Variants in CREBRF observed in about 807,000 individuals in gnomAD.
CREBRF encodes the protein CREB3 regulatory factor, also known as UPF0474 protein C5orf41.
In CREBRF, 5 loss-of-function variants were observed where a neutral mutation model predicts 66.1. The ratio of observed to expected loss-of-function variants is 0.08; its 90% confidence interval spans 0.04 to 0.16. The LOEUF is 0.16. CREBRF is among the 10% of genes least tolerant of loss of function. CREBRF has a pLI of 1.00. For synonymous variants in CREBRF, 229 were observed against 264.4 expected (o/e 0.87, Z 1.30); for missense variants, 531 against 744.9 (o/e 0.71, Z 3.34).
At chr5:173,115,159 T>A (rs899661473) in intron 7 of CREBRF, among the ~76,000 whole-genome samples, 19 of 150,846 alleles carry the variant, frequency 1.3e-4, no homozygotes, top group African/African-American at 2.0e-4. Context: ...CGGGCTGGAG[T>A]GCAATGGCGC....
At chr5:173,067,118 C>T (rs894721131) in intron 1 of CREBRF, among the ~76,000 whole-genome samples, 2 of 152,102 alleles carry the variant, frequency 1.3e-5, no homozygotes, top group Admixed American at 6.6e-5. Context: ...CAGCCTGAGC[C>T]ACCGTGCTCG....
At chr5:173,128,613 A>G (rs1238127645) in intron 8 of CREBRF, among the ~76,000 whole-genome samples, 1 of 152,046 alleles carries the variant, frequency 6.6e-6, no homozygotes, top group African/African-American at 2.4e-5. Context: ...ATTATGAACT[A>G]CAGTTTTTAT....
chr5:173,095,106 T>C (rs1758444700), intron 4 of CREBRF, among the ~76,000 whole-genome samples: 2 of 151,982 alleles, frequency 1.3e-5, no homozygotes, highest in African/African-American at 2.4e-5. Flanking sequence ...AATGTGGGAA[T>C]TTATTTCTGG....
chr5:173,132,863 A>G (rs1003715414), intron 8 of CREBRF, among the ~76,000 whole-genome samples: 1 of 149,898 alleles, frequency 6.7e-6, no homozygotes, highest in African/African-American at 2.5e-5. Context: ...GTGATCCGCC[A>G]ACCTCAGGTG....
rs201259498 is a variant in CREBRF, at chr5:173,110,688, G to A, written c.1584G>A (p.Lys528=). ...TAACAGCCCGACCAAGGTCAAGGAA[G>A]GAAAAAAATAAGCTGGCTTCCAGGT... ...LPLTARPRSR[K]EKNKLASRAC... is the part of the protein sequence containing the mutation. Residue 528 remains lysine, a synonymous_variant, in exon 6 of 9, where the codon AAG becomes AAA. Transcript: ENST00000296953. 4 of 1,602,114 alleles carry A rather than the reference G, an allele frequency of 2.5e-6. No individual in the cohort carries two copies. The highest frequency in any genetic ancestry group is 1.4e-5 in the African/African-American group (1 of 73,992).
intron 7 of CREBRF, among the ~76,000 whole-genome samples, chr5:173,113,074 C>G (rs1402049622): frequency 6.6e-6 from 1 of 152,148 alleles, no homozygotes; most frequent in Non-Finnish European, 1.5e-5. Flanking sequence ...CTCACTGCAG[C>G]CTCCACCTTC....
At chr5:173,101,503 T>C (rs1299179101) in intron 4 of CREBRF, among the ~76,000 whole-genome samples, 4 of 131,980 alleles carry the variant, frequency 3.0e-5, no homozygotes, top group Non-Finnish European at 7.3e-5. Context: ...TTCAAAAGTC[T>C]GTTTGTCTTT....
chr5:173,069,998 G>A (rs1156454841), intron 1 of CREBRF, among the ~76,000 whole-genome samples: 7 of 151,710 alleles, frequency 4.6e-5, no homozygotes, highest in Non-Finnish European at 1.0e-4. Flanking sequence ...GAGTTCAAGC[G>A]ATTCTCATGC....
chr5:173,131,858 A>G (rs1027079494), intron 8 of CREBRF, among the ~76,000 whole-genome samples: 5 of 151,822 alleles, frequency 3.3e-5, no homozygotes, highest in African/African-American at 1.2e-4. Flanking sequence ...TCAGCCTCCT[A>G]AGTAGCTGGC....
rs2113819137 is a variant in CREBRF at position 173,135,574 on chromosome 5, G to A, written c.*1829G>A. 6.6e-6 allele frequency: 1 copy of A among 152,356 alleles called. No homozygotes were observed. Among genetic ancestry groups the A allele is most frequent in the Middle Eastern group, 3.4e-3 (1 of 294 alleles). The allele number at this position is 152,356 out of a possible 1,614,324, so 9.4% of individuals were successfully genotyped here. A position where few individuals can be genotyped will look rare whatever the true frequency, so the allele number is the denominator to read the frequency against. On this transcript the variant is annotated 3_prime_UTR_variant, in exon 9 of 9. Coordinates refer to ENST00000296953, the MANE Select transcript of CREBRF (RefSeq NM_153607.3). ...AAAAATACCAAAAATTTCAGGCATA[G>A]CTGCTGGAAAAATTATCTATTTCTC...
At chr5:173,092,135 C>T (rs1758359649) in intron 4 of CREBRF, 1 of 901,596 alleles carries the variant, frequency 1.1e-6, no homozygotes, top group African/African-American at 1.8e-5. Flanking sequence ...ATGTGTCTCT[C>T]TATTATAGTT....
chr5:173,130,907 A>G (rs531651652), intron 8 of CREBRF, among the ~76,000 whole-genome samples: 1 of 151,926 alleles, frequency 6.6e-6, no homozygotes, highest in Non-Finnish European at 1.5e-5. Flanking sequence ...GGGTTTCACC[A>G]TGTTGGCCAG....
chr5:173,128,560 A>C (rs1302561426), intron 8 of CREBRF, among the ~76,000 whole-genome samples: 1 of 151,682 alleles, frequency 6.6e-6, no homozygotes, highest in Non-Finnish European at 1.5e-5. Context: ...TTTGCTTCTG[A>C]ATGTCAGGAT....
At position 173,100,096 on chromosome 5, in the gene CREBRF, G is replaced by A. The variant is rs866266891; in HGVS notation, c.1223-8528G>A. 1.0e-3 allele frequency among the ~76,000 whole-genome samples: 135 copies of A among 128,842 alleles called. 2 individuals are homozygous for A. In the Middle Eastern group the frequency reaches 0.015, roughly 14 times the overall value. The allele number at this position is 128,842 out of a possible 152,430, so 84.5% of individuals were successfully genotyped here. ...TAATCTTTTGTGTGTGTGTGTGTGT[G>A]TGTGTGTGTGTGTGTGTGTGTGTAT... On this transcript the variant is annotated intron_variant, in intron 4 of 8. Coordinates refer to ENST00000296953, the MANE Select transcript of CREBRF (RefSeq NM_153607.3).
At chr5:173,085,987 ATC>A in intron 2 of CREBRF, 1 of 1,508,664 alleles carries the variant, frequency 6.6e-7, no homozygotes, top group Admixed American at 1.7e-5. Context: ...CTAGAAATAC[ATC>A]TGTTTGTGGA....
Position 173,108,679 on chromosome 5 carries a change from G to C in CREBRF, c.1278G>C (p.Arg426=). Residue 426 remains arginine, a synonymous_variant, in exon 5 of 9, where the codon CGG becomes CGC. Transcript: ENST00000296953. ...AGGAGGTGACTTCAATATCTTCACGGAAGAGAGGTAAAAGAAGATACTTCT... is the reference window on the plus strand; with the variant it reads ...AGGAGGTGACTTCAATATCTTCACGCAAGAGAGGTAAAAGAAGATACTTCT... ...DLKEVTSISS[R]KRGKRRYFWE... 6.2e-7 allele frequency: 1 copy of C among 1,613,906 alleles called. No individual in the cohort carries two copies.
chr5:173,074,909 C>T (rs1274028698), intron 1 of CREBRF, among the ~76,000 whole-genome samples: 1 of 152,182 alleles, frequency 6.6e-6, no homozygotes. Context: ...GCATGAGCCA[C>T]CGTGCCTGGC....
At chr5:173,062,449 A>C (rs569365818) in intron 1 of CREBRF, among the ~76,000 whole-genome samples, 1 of 152,306 alleles carries the variant, frequency 6.6e-6, no homozygotes, top group African/African-American at 2.4e-5. Context: ...CCGTCTGTTC[A>C]AACAAAAAGC....
intron 1 of CREBRF, chr5:173,068,100 C>T: frequency 2.2e-6 from 1 of 453,464 alleles, no homozygotes; most frequent in Non-Finnish European, 4.4e-6. Flanking sequence ...GTTTTATTAG[C>T]ATAATAACTT....
Sources: gnomAD v4.1 joint callset for allele counts (sites outside exome capture counted in the v4.1 genomes callset) on GRCh38, gnomAD v4.1.1 for gene constraint, MANE v1.5 for transcripts, NCBI Gene and HGNC (gene_info 2026-07-23, HGNC 2026-07-21) for gene names.